Variants in RNF128 observed in about 807,000 individuals in gnomAD.
RNF128 encodes E3 ubiquitin-protein ligase RNF128.
RNF128 carries 13 observed loss-of-function variants against 26.2 expected under a neutral mutation model. The observed-to-expected ratio is 0.50, with a 90% CI of 0.32 to 0.79. RNF128 has a LOEUF of 0.79. RNF128 is among the 30% of genes least tolerant of loss of function. The pLI is 0.03. For synonymous variants in RNF128, 149 were observed against 142.5 expected (o/e 1.05, Z -0.32); for missense variants, 315 against 349.7 (o/e 0.90, Z 0.79).
At chrX:106,757,571 C>T (rs1310951170) in intron 1 of RNF128, among the ~76,000 whole-genome samples, 1 of 70,668 alleles carries the variant, frequency 1.4e-5, no homozygotes, top group Admixed American at 1.8e-4. Context: ...ATATCACACT[C>T]TAGGGACTGT....
chrX:106,790,968 T>C, intron 5 of RNF128, 98 bp from the exon 6 acceptor site: 1 of 726,193 alleles, frequency 1.4e-6, no homozygotes, highest in East Asian at 3.2e-5. Flanking sequence ...TTAAGAAATA[T>C]TGCTCCAATG....
intron 5 of RNF128, among the ~76,000 whole-genome samples, 196 bp downstream of exon 5, chrX:106,790,478 C>T (rs979400864): frequency 9.1e-6 from 1 of 110,313 alleles, no homozygotes; most frequent in Non-Finnish European, 1.9e-5. Flanking sequence ...TCCCTCTTTC[C>T]AAATAGACTC....
chrX:106,739,163 TCTGA>T (rs916155282), intron 1 of RNF128, among the ~76,000 whole-genome samples: 14 of 109,916 alleles, frequency 1.3e-4, no homozygotes, highest in African/African-American at 4.6e-4. Flanking sequence ...CTTCTTTCTT[TCTGA>T]CTTTTTTTTT....
chrX:106,734,013 C>A (rs1929546241), intron 1 of RNF128, among the ~76,000 whole-genome samples: 1 of 111,957 alleles, frequency 8.9e-6, no homozygotes, highest in Non-Finnish European at 1.9e-5. Flanking sequence ...TCATTTTATT[C>A]TTTTGCTCTG....
At chrX:106,715,155 CA>C (rs200502824) in intron 1 of RNF128, among the ~76,000 whole-genome samples, 1,773 of 109,275 alleles carry the variant, frequency 0.016, 16 homozygotes, top group Non-Finnish European at 0.025. Context: ...ACATTCCCAC[CA>C]AAAAAAAATG....
chrX:106,733,775 A>T (rs1254744255), intron 1 of RNF128, among the ~76,000 whole-genome samples: 1 of 110,768 alleles, frequency 9.0e-6, no homozygotes, highest in African/African-American at 3.3e-5. Flanking sequence ...GTCTCAGCTC[A>T]CTGAAACCTC....
At chrX:106,694,453 T>C (rs773276486) in intron 1 of RNF128, 1 of 1,040,913 alleles carries the variant, frequency 9.6e-7, no homozygotes, top group Admixed American at 2.9e-5. Flanking sequence ...TCCGTTTATC[T>C]TAGAATGGTA....
At chrX:106,695,059 C>T (rs1603074840) in intron 1 of RNF128, among the ~76,000 whole-genome samples, 1 of 110,876 alleles carries the variant, frequency 9.0e-6, no homozygotes, top group East Asian at 2.8e-4. Flanking sequence ...TAAATAGAAA[C>T]TTCTAATTTA....
intron 1 of RNF128, among the ~76,000 whole-genome samples, chrX:106,735,255 T>G (rs1254838959): frequency 8.9e-6 from 1 of 111,995 alleles, no homozygotes; most frequent in Non-Finnish European, 1.9e-5. Flanking sequence ...TTTTAATACT[T>G]GAATGACCAA....
Position 106,785,071 on chromosome X carries a change from T to C in RNF128, c.739T>C (p.Leu247=). Residue 247 remains leucine, a synonymous_variant, in exon 3 of 7, where the codon TTA becomes CTA. Transcript: ENST00000255499. ...GCTGTTTTTTTTTTTACAGAGGCAA[T>C]TAAAGGCAGATGCTAAAAAAGCTAT... ...ARAQSRKQRQ[L]KADAKKAIGR... 3 of 1,177,506 alleles carry C rather than the reference T, an allele frequency of 2.5e-6. No homozygotes were observed. The highest frequency in any genetic ancestry group is 3.4e-6 in the Non-Finnish European group (3 of 880,550).
At chrX:106,697,644 C>T (rs1016992348) in intron 1 of RNF128, among the ~76,000 whole-genome samples, 4 of 111,764 alleles carry the variant, frequency 3.6e-5, no homozygotes, top group Non-Finnish European at 7.5e-5. Context: ...ACACTCCTTG[C>T]CTCACATGGT....
chrX:106,777,257 A>G (rs1262607647), intron 2 of RNF128, among the ~76,000 whole-genome samples: 1 of 112,232 alleles, frequency 8.9e-6, no homozygotes, highest in African/African-American at 3.2e-5. Flanking sequence ...AGAATGATTT[A>G]GTTCATTACT....
chrX:106,775,190 T>G (rs144964366), intron 2 of RNF128, among the ~76,000 whole-genome samples: 3 of 111,961 alleles, frequency 2.7e-5, no homozygotes, highest in Non-Finnish European at 3.8e-5. Context: ...ATTTGACATT[T>G]GTATATTGTG....
intron 2 of RNF128, among the ~76,000 whole-genome samples, chrX:106,780,584 A>G (rs780002635): frequency 4.5e-5 from 5 of 112,348 alleles, no homozygotes; most frequent in African/African-American, 1.3e-4. Flanking sequence ...GACATCATAT[A>G]CTTGCTTTTT....
At chrX:106,724,301 C>T (rs941250238), upstream of RNF128, among the ~76,000 whole-genome samples, 30 of 111,556 alleles carry the variant, frequency 2.7e-4, no homozygotes, top group African/African-American at 9.5e-4. Context: ...CCATCTTCAT[C>T]TCTCACCTGT....
At chrX:106,761,472 T>C (rs963166403) in intron 1 of RNF128, among the ~76,000 whole-genome samples, 18 of 111,556 alleles carry the variant, frequency 1.6e-4, no homozygotes, top group Non-Finnish European at 3.4e-4. Context: ...TAAAGACACA[T>C]GCACATGTAT....
At chrX:106,720,012 T>C (rs1394124057) in intron 1 of RNF128, among the ~76,000 whole-genome samples, 1 of 111,340 alleles carries the variant, frequency 9.0e-6, no homozygotes, top group Admixed American at 9.6e-5. Context: ...AGAAATTCTC[T>C]TGTGGTCACA....
In RNF128 at chrX:106,727,360, CG is replaced by C; in HGVS notation, c.450del (p.Thr151ProfsTer14). ...ASGAVIFNFP[G>X]TRNEVIPMSH... The stretch of plus-strand genomic sequence containing the variant: ...CTGGAGCCGTCATCTTTAACTTCCC[CG>C]GGACCCGCAATGAGGTCATCCCCAT... On this transcript the variant is annotated frameshift_variant, in exon 1 of 7. Transcript: ENST00000255499. LOFTEE classifies it high-confidence loss of function. 2 of 1,211,521 alleles carry C rather than the reference CG, an allele frequency of 1.7e-6. No individual in the cohort carries two copies. The highest frequency in any genetic ancestry group is 2.2e-6 in the Non-Finnish European group (2 of 895,377).
At chrX:106,769,834 C>T (rs1930337817) in intron 1 of RNF128, among the ~76,000 whole-genome samples, 1 of 111,056 alleles carries the variant, frequency 9.0e-6, no homozygotes, top group South Asian at 3.8e-4. Flanking sequence ...GATGCATTTT[C>T]TTCCTAGCAT....
Sources: gnomAD v4.1 joint callset for allele counts (sites outside exome capture counted in the v4.1 genomes callset) on GRCh38, gnomAD v4.1.1 for gene constraint, MANE v1.5 for transcripts, NCBI Gene and HGNC (gene_info 2026-07-23, HGNC 2026-07-21) for gene names.